SEC14L5: variants seen among roughly 807,000 people sequenced by gnomAD.
SEC14L5 encodes SEC14-like protein 5.
A neutral mutation model predicts 84.6 loss-of-function variants in SEC14L5; 96 were observed. The ratio of observed to expected loss-of-function variants is 1.13; its 90% confidence interval spans 0.96 to 1.34. SEC14L5 has a LOEUF of 1.34. Ranked by LOEUF, SEC14L5 falls within the 40% of genes most tolerant of loss-of-function variation. The pLI, the probability that SEC14L5 is intolerant of heterozygous loss-of-function variation, is 0.00. For synonymous variants in SEC14L5, 546 were observed against 383.4 expected, an observed-to-expected ratio of 1.42 and a Z score of -4.95; for missense variants, 1,224 against 942.5, an observed-to-expected ratio of 1.30 and a Z score of -3.91.
Position 5,003,431 on chromosome 16 carries a change from G to T in SEC14L5, c.1160G>T (p.Gly387Val), listed in dbSNP as rs758128352. Reference sequence around the variant, plus strand: ...TGGACCTGCCTGCTAGACCTGGAGGGACTCAACATGCGGCACCTGTGGCGG... The same window carrying T: ...TGGACCTGCCTGCTAGACCTGGAGGTACTCAACATGCGGCACCTGTGGCGG... ...SSWTCLLDLE[G>V]LNMRHLWRPG... Residue 387 changes from glycine (G) to valine (V), a missense_variant, in exon 11 of 16, where the codon GGA (glycine) becomes GTA (valine). Coordinates refer to ENST00000251170, the MANE Select transcript of SEC14L5 (RefSeq NM_014692.2). The T allele has an allele frequency of 1.2e-6, 2 of 1,613,416 alleles. No individual in the cohort carries two copies. The highest frequency in any genetic ancestry group is 1.1e-5 in the South Asian group (1 of 91,064).
At chr16:5,010,279 G>C (rs552288474) in intron 14 of SEC14L5, among the ~76,000 whole-genome samples, 3 of 149,070 alleles carry the variant, frequency 2.0e-5, no homozygotes, top group Non-Finnish European at 4.4e-5. Flanking sequence ...CAGGAGAATC[G>C]CTTGAACCTA....
chr16:4,996,798 T>C, intron 7 of SEC14L5, 57 bp from the exon 8 acceptor site: 1 of 1,395,312 alleles, frequency 7.2e-7, no homozygotes, highest in Non-Finnish European at 9.8e-7. Flanking sequence ...TTCTGTAATT[T>C]TATCTGCTGG....
intron 14 of SEC14L5, among the ~76,000 whole-genome samples, chr16:5,010,658 G>T (rs1018508726): frequency 6.6e-6 from 1 of 152,110 alleles, no homozygotes; most frequent in Non-Finnish European, 1.5e-5. Flanking sequence ...ACCCAAAGTG[G>T]CTCTTCTTGT....
At chr16:4,969,027 C>T (rs974295538) in intron 2 of SEC14L5, among the ~76,000 whole-genome samples, 1 of 152,240 alleles carries the variant, frequency 6.6e-6, no homozygotes, top group African/African-American at 2.4e-5. Context: ...TTTAACAAAG[C>T]GGCCGGGGCC....
At chr16:4,995,503 G>A (rs1186246791) in intron 6 of SEC14L5, among the ~76,000 whole-genome samples, 2 of 152,206 alleles carry the variant, frequency 1.3e-5, no homozygotes, top group African/African-American at 4.8e-5. Flanking sequence ...CTGGGGATGG[G>A]GCAAAGCAAA....
intron 2 of SEC14L5, among the ~76,000 whole-genome samples, chr16:4,963,512 A>C (rs1030318799): frequency 1.3e-5 from 2 of 152,166 alleles, no homozygotes; most frequent in Non-Finnish European, 2.9e-5. Context: ...CACTTGACTA[A>C]TTTTTGTATT....
rs971192002 is a variant in SEC14L5, at chr16:5,016,125, C to T, written c.*1155C>T. 4 of 152,322 alleles carry T rather than the reference C, an allele frequency of 2.6e-5. No homozygotes were observed. In the South Asian group the frequency reaches 6.2e-4, roughly 24 times the overall value. 9.4% of individuals were successfully genotyped at this position (152,322 alleles called of 1,614,324 possible). A position where few individuals can be genotyped will look rare whatever the true frequency, so the allele number is the denominator to read the frequency against. ...GGTAAGGCTAGATCCAGGGTCTCAA[C>T]ATGGAGTCTCGATTCCCCCCGCGAG... is the stretch of plus-strand genomic sequence containing the variant. On this transcript the variant is annotated 3_prime_UTR_variant, in exon 16 of 16. Transcript: ENST00000251170.
intron 2 of SEC14L5, among the ~76,000 whole-genome samples, chr16:4,967,107 C>T (rs1431163376): frequency 2.0e-5 from 3 of 152,194 alleles, no homozygotes; most frequent in African/African-American, 7.2e-5. Flanking sequence ...AGCCACAAAC[C>T]GGGTGACTTA....
At chr16:5,003,612 T>TGGG in intron 11 of SEC14L5, 39 bp downstream of exon 11, 1 of 130,378 alleles carries the variant, frequency 7.7e-6, no homozygotes, top group Non-Finnish European at 1.5e-5. Flanking sequence ...TCCCTGGGGG[T>TGGG]GGGTGGGATG....
At chr16:4,966,906 C>T (rs924917277) in intron 2 of SEC14L5, among the ~76,000 whole-genome samples, 3 of 152,222 alleles carry the variant, frequency 2.0e-5, no homozygotes, top group Non-Finnish European at 4.4e-5. Flanking sequence ...ACAGCCCAAG[C>T]CTGCAGGCCC....
intron 10 of SEC14L5, among the ~76,000 whole-genome samples, chr16:5,001,282 G>T (rs1369257552): frequency 7.1e-6 from 1 of 141,486 alleles, no homozygotes; most frequent in South Asian, 2.3e-4. Context: ...TTTTTGAAAC[G>T]GAGTCTCGCT....
chr16:4,964,128 A>G (rs1486902847), intron 2 of SEC14L5, among the ~76,000 whole-genome samples: 1 of 152,202 alleles, frequency 6.6e-6, no homozygotes, highest in Non-Finnish European at 1.5e-5. Context: ...AGTCCTTTGA[A>G]TGCCCGGGTC....
chr16:4,996,840 T>G lies in SEC14L5; in HGVS notation c.781-15T>G. 1 of 1,601,706 alleles carries G rather than the reference T, an allele frequency of 6.2e-7. No individual in the cohort carries two copies. Among genetic ancestry groups the G allele is most frequent in the Non-Finnish European group, 8.5e-7 (1 of 1,173,270 alleles). Reference sequence around the variant, plus strand: ...GGATACCGTTCTGTGGGCTTTTTACTTCTTTGTCTCTCAGATTCCCAAAGA... The same window carrying G: ...GGATACCGTTCTGTGGGCTTTTTACGTCTTTGTCTCTCAGATTCCCAAAGA... On this transcript the variant is annotated splice_polypyrimidine_tract_variant and intron_variant, in intron 7 of 15. Transcript: ENST00000251170.
intron 2 of SEC14L5, among the ~76,000 whole-genome samples, chr16:4,976,268 T>C (rs1955337796): frequency 6.6e-6 from 1 of 152,146 alleles, no homozygotes. Context: ...TGATGATTTT[T>C]TCACACAGCT....
intron 4 of SEC14L5, among the ~76,000 whole-genome samples, chr16:4,989,419 G>A (rs1193359739): frequency 5.3e-5 from 8 of 150,390 alleles, no homozygotes; most frequent in African/African-American, 1.2e-4. Context: ...TGCAACCTCC[G>A]CCTCCTTGTT....
intron 2 of SEC14L5, among the ~76,000 whole-genome samples, chr16:4,971,482 A>G (rs986224804): frequency 6.6e-6 from 1 of 152,118 alleles, no homozygotes; most frequent in Non-Finnish European, 1.5e-5. Flanking sequence ...AATAACAACA[A>G]CAACCAAAAA....
At chr16:4,987,929 G>A (rs1373867621) in intron 3 of SEC14L5, among the ~76,000 whole-genome samples, 1 of 152,138 alleles carries the variant, frequency 6.6e-6, no homozygotes, top group Non-Finnish European at 1.5e-5. Flanking sequence ...AACTGGGCGG[G>A]GTTCGCGGGG....
chr16:4,989,181 G>C (rs1208202299), intron 4 of SEC14L5, among the ~76,000 whole-genome samples: 1 of 152,232 alleles, frequency 6.6e-6, no homozygotes, highest in Non-Finnish European at 1.5e-5. Flanking sequence ...CTTTCTTGCT[G>C]AGTGACGTTG....
chr16:4,998,495 T>G (rs981619645), intron 8 of SEC14L5, among the ~76,000 whole-genome samples: 2 of 148,730 alleles, frequency 1.3e-5, no homozygotes, highest in Non-Finnish European at 3.0e-5. Context: ...TCCCAGCACT[T>G]TGGGAGGCCG....
Sources: gnomAD v4.1 joint callset for allele counts (sites outside exome capture counted in the v4.1 genomes callset) on GRCh38, gnomAD v4.1.1 for gene constraint, MANE v1.5 for transcripts, NCBI Gene and HGNC (gene_info 2026-07-23, HGNC 2026-07-21) for gene names.